The following NF1 variants were observed in gnomAD, a reference collection of about 807,000 sequenced individuals.
NF1 encodes neurofibromin 1, also known as neurofibromin.
In NF1, 122 loss-of-function variants were observed where a neutral mutation model predicts 325.7. The ratio of observed to expected loss-of-function variants is 0.37; its 90% confidence interval spans 0.32 to 0.44. The LOEUF (loss-of-function observed/expected upper bound fraction) is 0.44. Among genes scored for constraint, NF1 ranks in the 20% least tolerant of loss-of-function variants. The pLI is 1.00. For missense variants in NF1, 2,140 were observed against 3,415.4 expected (o/e 0.63, Z 9.31); for synonymous variants, 1,091 against 1,186.0 (o/e 0.92, Z 1.65).
At chr17:31,190,485 A>G (rs1389463602) in intron 8 of NF1, among the ~76,000 whole-genome samples, 6 of 152,210 alleles carry the variant, frequency 3.9e-5, no homozygotes, top group African/African-American at 1.4e-4. Context: ...AAAATATTTT[A>G]GCTGTTCCTC....
Position 31,295,249 on chromosome 17 carries a change from C to T in NF1, c.4835+29910C>T, listed in dbSNP as rs746727863. The stretch of plus-strand genomic sequence containing the variant: ...AGCTAGTGAGGCTTGTGTTTGTGAC[C>T]ATTCCATCTTGGAGATGAATAGTTA... On this transcript the variant is annotated intron_variant, in intron 36 of 57. Transcript: ENST00000358273. The T allele has an allele frequency of 6.2e-6, 10 of 1,613,988 alleles. No homozygotes were observed. The South Asian group carries it at 7.7e-5, about 12-fold the overall frequency.
chr17:31,345,810 G>C, intron 48 of NF1: 1 of 1,614,126 alleles, frequency 6.2e-7, no homozygotes, highest in Non-Finnish European at 8.5e-7. Flanking sequence ...AGGACAAGCC[G>C]AAGCCCTGGA....
intron 29 of NF1, among the ~76,000 whole-genome samples, chr17:31,245,259 C>T (rs2067370669): frequency 6.6e-6 from 1 of 152,206 alleles, no homozygotes; most frequent in African/African-American, 2.4e-5. Context: ...ACTGTTGTAG[C>T]TTAACTGTTC....
At chr17:31,226,860 G>T (rs2067024512) in intron 18 of NF1, among the ~76,000 whole-genome samples, 176 bp downstream of exon 18, 1 of 152,176 alleles carries the variant, frequency 6.6e-6, no homozygotes, top group African/African-American at 2.4e-5. Flanking sequence ...GAAATAAATT[G>T]TTAGTCTTCC....
intron 1 of NF1, among the ~76,000 whole-genome samples, chr17:31,140,162 A>G (rs1916112945): frequency 2.0e-5 from 3 of 152,214 alleles, no homozygotes; most frequent in Non-Finnish European, 4.4e-5. Context: ...ATATTAAACA[A>G]CGTATCATCT....
Position 31,330,223 on chromosome 17 carries a change from T to C in NF1, c.5610-73T>C. ...TACTTTGTAACAGAATCACAAATTGTATGTTATGAAAAAATTTTGGAACTA... is the reference window on the plus strand; with the variant it reads ...TACTTTGTAACAGAATCACAAATTGCATGTTATGAAAAAATTTTGGAACTA... On this transcript the variant is annotated intron_variant, in intron 38 of 57. Transcript: ENST00000358273. 6 of 1,202,142 alleles carry C rather than the reference T, an allele frequency of 5.0e-6. No homozygotes were observed. In the South Asian group the frequency reaches 6.1e-5, roughly 12 times the overall value. The allele number at this position is 1,202,142 out of a possible 1,614,324, so 74.5% of individuals were successfully genotyped here.
At chr17:31,265,128 T>C (rs1316472924) in intron 35 of NF1, 101 bp from the exon 36 acceptor site, 1 of 866,412 alleles carries the variant, frequency 1.2e-6, no homozygotes, top group African/African-American at 1.7e-5. Flanking sequence ...TTTAAAATAT[T>C]TTTTCATTTT....
At chr17:31,167,575 A>AAGTTT (rs1400241187) in intron 4 of NF1, among the ~76,000 whole-genome samples, 1 of 152,198 alleles carries the variant, frequency 6.6e-6, no homozygotes, top group African/African-American at 2.4e-5. Flanking sequence ...GCATTTATAA[A>AAGTTT]AGTTTACAAT....
chr17:31,168,659 T>G (rs2065884024), intron 4 of NF1, among the ~76,000 whole-genome samples: 1 of 152,208 alleles, frequency 6.6e-6, no homozygotes, highest in African/African-American at 2.4e-5. Context: ...ACAAGAATAC[T>G]TTACTGATGA....
intron 1 of NF1, among the ~76,000 whole-genome samples, chr17:31,145,553 C>T (rs1916526412): frequency 6.6e-6 from 1 of 152,114 alleles, no homozygotes; most frequent in South Asian, 2.1e-4. Flanking sequence ...CTTCAGAGAG[C>T]TTCCCCTGAA....
At chr17:31,283,211 A>G (rs1018216295) in intron 36 of NF1, among the ~76,000 whole-genome samples, 14 of 151,998 alleles carry the variant, frequency 9.2e-5, no homozygotes, top group Admixed American at 6.6e-5. Context: ...AGGTCAGGAG[A>G]TCGAGACCAT....
chr17:31,132,604 G>T (rs945862493), intron 1 of NF1, among the ~76,000 whole-genome samples: 4 of 152,070 alleles, frequency 2.6e-5, no homozygotes, highest in Non-Finnish European at 4.4e-5. Context: ...TAATTTTGTT[G>T]TTACATTTTC....
chr17:31,201,613 A>G, intron 11 of NF1, 128 bp downstream of exon 11: 1 of 711,550 alleles, frequency 1.4e-6, no homozygotes. Context: ...GAAATAGGAA[A>G]ATTTCTCCAT....
intron 8 of NF1, among the ~76,000 whole-genome samples, chr17:31,195,972 T>C (rs771795093): frequency 3.3e-5 from 5 of 152,070 alleles, no homozygotes; most frequent in Non-Finnish European, 7.4e-5. Flanking sequence ...CTGGATCATA[T>C]GGTTATTTTA....
intron 1 of NF1, chr17:31,137,567 G>A (rs1171429165): frequency 6.6e-6 from 1 of 152,102 alleles, no homozygotes; most frequent in Non-Finnish European, 1.5e-5. Context: ...CTAGTGTTTA[G>A]AATTGGCTGC....
intron 3 of NF1, among the ~76,000 whole-genome samples, chr17:31,162,682 A>G (rs945826407): frequency 1.3e-5 from 2 of 152,222 alleles, no homozygotes; most frequent in Non-Finnish European, 2.9e-5. Flanking sequence ...TATTCTATTT[A>G]TAATTTACTT....
intron 29 of NF1, 84 bp downstream of exon 29, chr17:31,236,105 G>A: frequency 1.1e-6 from 1 of 948,154 alleles, no homozygotes; most frequent in Non-Finnish European, 1.7e-6. Flanking sequence ...ATGAAGCAAG[G>A]CACCTTCTCC....
At chr17:31,098,064 G>A (rs1029351251) in intron 1 of NF1, among the ~76,000 whole-genome samples, 4 of 150,340 alleles carry the variant, frequency 2.7e-5, no homozygotes, top group Non-Finnish European at 4.4e-5. Context: ...ATACAAAAAT[G>A]TAAGGGTTTT....
In NF1 at chr17:31,376,606, C is replaced by T. The variant is rs1043173505; in HGVS notation, c.*2451C>T. The T allele has an allele frequency of 1.3e-5, 3 of 232,890 alleles. No individual in the cohort carries two copies. The highest frequency in any genetic ancestry group is 6.6e-5 in the African/African-American group (3 of 45,324). The allele number at this position is 232,890 out of a possible 1,614,324, so 14.4% of individuals were successfully genotyped here. On this transcript the variant is annotated 3_prime_UTR_variant, in exon 58 of 58. Coordinates refer to ENST00000358273, the MANE Select transcript of NF1 (RefSeq NM_001042492.3). Reference sequence around the variant, plus strand: ...ACCACTATGTGTCCCTTGAGAAATGCAACACTTTTTTAGTCTTCATACTTG... The same window carrying T: ...ACCACTATGTGTCCCTTGAGAAATGTAACACTTTTTTAGTCTTCATACTTG...
Sources: gnomAD v4.1 joint callset for allele counts (sites outside exome capture counted in the v4.1 genomes callset) on GRCh38, gnomAD v4.1.1 for gene constraint, MANE v1.5 for transcripts, NCBI Gene and HGNC (gene_info 2026-07-23, HGNC 2026-07-21) for gene names.